The following PIMREG variants were observed in gnomAD, a reference collection of about 807,000 sequenced individuals.
PIMREG encodes the protein PICALM interacting mitotic regulator, also known as protein PIMREG.
In PIMREG, 19 loss-of-function variants were observed where a neutral mutation model predicts 24.3. The observed-to-expected ratio is 0.78, with a 90% CI of 0.54 to 1.15. PIMREG has a LOEUF of 1.15. Among genes scored for constraint, PIMREG ranks in the 50% most tolerant of loss-of-function variants. The pLI is 0.00. For missense variants in PIMREG, 283 were observed against 306.8 expected (o/e 0.92, Z 0.58); for synonymous variants, 112 against 124.1 (o/e 0.90, Z 0.65).
chr17:6,447,170 G>A (rs947331670), intron 2 of PIMREG, among the ~76,000 whole-genome samples: 3 of 152,056 alleles, frequency 2.0e-5, no homozygotes, highest in Non-Finnish European at 4.4e-5. Flanking sequence ...GGAGTGCCAT[G>A]GTGCGATCTC....
intron 5 of PIMREG, 81 bp from the exon 6 acceptor site, chr17:6,450,281 C>A: frequency 1.5e-6 from 2 of 1,346,376 alleles, no homozygotes; most frequent in South Asian, 1.3e-5. Flanking sequence ...TTCCAGCACC[C>A]CCCACCCCGC....
intron 3 of PIMREG, among the ~76,000 whole-genome samples, chr17:6,448,104 T>G (rs576588927): frequency 1.2e-4 from 18 of 151,496 alleles, no homozygotes; most frequent in Admixed American, 3.9e-4. Flanking sequence ...GCCAACATGG[T>G]GAAACCTCAT....
intron 3 of PIMREG, among the ~76,000 whole-genome samples, chr17:6,449,016 C>T (rs1020685405): frequency 1.3e-5 from 2 of 152,232 alleles, no homozygotes; most frequent in African/African-American, 4.8e-5. Flanking sequence ...GACACAATCA[C>T]ACTCACCCAA....
intron 2 of PIMREG, chr17:6,446,140 T>TCC (rs1567650750): frequency 5.0e-6 from 2 of 401,180 alleles, no homozygotes; most frequent in Non-Finnish European, 8.8e-6. Flanking sequence ...TAGAGGGGAT[T>TCC]TGCTGTCAAA....
intron 2 of PIMREG, chr17:6,447,256 C>T (rs1376159507): frequency 5.8e-6 from 3 of 521,022 alleles, no homozygotes; most frequent in Non-Finnish European, 1.0e-5. Context: ...GGATTACAGG[C>T]ACCCGCCACC....
At chr17:6,449,072 C>T (rs1457090043) in intron 3 of PIMREG, among the ~76,000 whole-genome samples, 1 of 152,228 alleles carries the variant, frequency 6.6e-6, no homozygotes, top group Non-Finnish European at 1.5e-5. Flanking sequence ...ACCTGGAGAG[C>T]TGAGGCTCAG....
chr17:6,449,293 G>A lies in PIMREG; in HGVS notation c.591-19G>A. The stretch of plus-strand genomic sequence containing the variant: ...GGAGTTTCCAACTAGTCACTGGTGT[G>A]GCTTTTTCTTTCATGCAGCGAGTCT... On this transcript the variant is annotated intron_variant, in intron 3 of 5. Coordinates refer to ENST00000572447, the MANE Select transcript of PIMREG (RefSeq NM_019013.3). The A allele has an allele frequency of 1.2e-6, 2 of 1,602,770 alleles. No homozygotes were observed. The highest frequency in any genetic ancestry group is 1.7e-6 in the Non-Finnish European group (2 of 1,174,884).
At chr17:6,447,362 TGCCTCG>T (rs1335444246) in intron 2 of PIMREG, 95 bp from the exon 3 acceptor site, 2 of 1,294,676 alleles carry the variant, frequency 1.5e-6, no homozygotes, top group East Asian at 4.7e-5. Context: ...GTGATCTGCC[TGCCTCG>T]GCCTCCCAAA....
At chr17:6,448,663 C>T (rs1438637679) in intron 3 of PIMREG, among the ~76,000 whole-genome samples, 1 of 152,174 alleles carries the variant, frequency 6.6e-6, no homozygotes, top group Non-Finnish European at 1.5e-5. Context: ...GCAGAATCTT[C>T]TAGTTCTCAG....
chr17:6,450,607 G>A lies in PIMREG; in HGVS notation c.*260G>A. 1 of 527,416 alleles carries A rather than the reference G, an allele frequency of 1.9e-6. No homozygotes were observed. The allele number at this position is 527,416 out of a possible 1,614,324, so 32.7% of individuals were successfully genotyped here. ...GAGAATTGTTCCTTCTGCTTTCCTA[G>A]GGGACTCTTGAGCTTAGAAACTCAT... On this transcript the variant is annotated 3_prime_UTR_variant, in exon 6 of 6. Coordinates refer to ENST00000572447, the MANE Select transcript of PIMREG (RefSeq NM_019013.3).
rs1913501825 is a variant in PIMREG, at chr17:6,444,588, C to A, written c.-36+100C>A. ...CAATTTTTTTGTTCGGAGGGGAGGG[C>A]ATCAGGTTCTGTTCACAGGGGAGGG... On this transcript the variant is annotated intron_variant, in intron 1 of 5. Transcript: ENST00000572447. This position sits in a 1 kb window ranked among gnomAD's most constrained non-coding sequence, Gnocchi z 4.3. 6.5e-6 allele frequency: 1 copy of A among 154,200 alleles called. No individual in the cohort carries two copies. Among genetic ancestry groups the A allele is most frequent in the Admixed American group, 6.5e-5 (1 of 15,280 alleles). 9.6% of individuals were successfully genotyped at this position (154,200 alleles called of 1,614,324 possible).
rs1317781014 is a variant in PIMREG, at chr17:6,450,911, G to A, written c.*564G>A. The A allele has an allele frequency of 6.4e-6, 1 of 156,820 alleles. No individual in the cohort carries two copies. Among genetic ancestry groups the A allele is most frequent in the African/African-American group, 2.4e-5 (1 of 41,664 alleles). The allele number at this position is 156,820 out of a possible 1,614,324, so 9.7% of individuals were successfully genotyped here. A position where few individuals can be genotyped will look rare whatever the true frequency, so the allele number is the denominator to read the frequency against. ...ATTTATATGCTCAGTGCAGAGCACT[G>A]TGGATGTGCCAGGAGGGGTAGCCCT... On this transcript the variant is annotated 3_prime_UTR_variant, in exon 6 of 6. Transcript: ENST00000572447.
intron 3 of PIMREG, 96 bp downstream of exon 3, chr17:6,447,854 G>A: frequency 7.3e-7 from 1 of 1,378,392 alleles, no homozygotes; most frequent in African/African-American, 1.4e-5. Context: ...GGGCCCTAGG[G>A]GTTTCTTGGC....
intron 2 of PIMREG, among the ~76,000 whole-genome samples, chr17:6,445,904 C>T (rs1333828950): frequency 6.6e-6 from 1 of 152,132 alleles, no homozygotes; most frequent in African/African-American, 2.4e-5. Flanking sequence ...TGACAGAGAG[C>T]AAGGTAGAGC....
rs1184621583 is a variant in PIMREG, at chr17:6,449,315, G to A, written c.594G>A (p.Glu198=). Residue 198 remains glutamate, a synonymous_variant, in exon 4 of 6, where the codon GAG becomes GAA. Transcript: ENST00000572447. ...SSTEPLCSPS[E]SDSDLEPVGA... is the part of the protein sequence containing the mutation. ...TGTGGCTTTTTCTTTCATGCAGCGAGTCTGACAGTGACCTAGAGCCTGTGG... is the reference window on the plus strand; with the variant it reads ...TGTGGCTTTTTCTTTCATGCAGCGAATCTGACAGTGACCTAGAGCCTGTGG... 1.2e-6 allele frequency: 2 copies of A among 1,609,812 alleles called. No homozygotes were observed. Among genetic ancestry groups the A allele is most frequent in the Non-Finnish European group, 1.7e-6 (2 of 1,178,616 alleles).
Position 6,450,032 on chromosome 17 carries a change from G to A in PIMREG, c.691G>A (p.Asp231Asn). 3.1e-6 allele frequency: 5 copies of A among 1,614,144 alleles called. No homozygotes were observed. Among genetic ancestry groups the A allele is most frequent in the Non-Finnish European group, 3.4e-6 (4 of 1,179,992 alleles). ...AATCCCTCCCCTTCTCTCTAGTGGT[G>A]ACATCGTCTCTCTCATTCATGACTG... ...DEAIMAEESGDIVSLIHD is the reference protein window; with the variant it reads ...DEAIMAEESGNIVSLIHD Residue 231 changes from aspartate to asparagine, a missense_variant, in exon 5 of 6, where the codon GAC (aspartate) becomes AAC (asparagine). Coordinates refer to ENST00000572447, the MANE Select transcript of PIMREG (RefSeq NM_019013.3).
intron 5 of PIMREG, 78 bp from the exon 6 acceptor site, chr17:6,450,284 C>T (rs1315971032): frequency 1.2e-5 from 16 of 1,336,844 alleles, no homozygotes; most frequent in Admixed American, 4.2e-5. Flanking sequence ...CAGCACCCCC[C>T]ACCCCGCAGT....
At chr17:6,445,589 G>A (rs559871207) in intron 2 of PIMREG, among the ~76,000 whole-genome samples, 185 bp downstream of exon 2, 5 of 152,362 alleles carry the variant, frequency 3.3e-5, no homozygotes, top group African/African-American at 1.2e-4. Flanking sequence ...ATAGTTGAAT[G>A]AGTGAATGAA....
chr17:6,446,044 G>A (rs1913558453), intron 2 of PIMREG: 1 of 401,142 alleles, frequency 2.5e-6, no homozygotes, highest in Non-Finnish European at 4.4e-6. Flanking sequence ...GATGGAGAAG[G>A]GAATAGAGGC....
Sources: allele counts gnomAD v4.1 joint callset (sites outside exome capture counted in the v4.1 genomes callset), GRCh38; gene constraint gnomAD v4.1.1; non-coding constraint Gnocchi (gnomAD v3.1); transcripts MANE v1.5; gene names NCBI Gene and HGNC (gene_info 2026-07-23, HGNC 2026-07-21).